KDM4C: variants seen among roughly 807,000 people sequenced by gnomAD.
The protein encoded by KDM4C is lysine demethylase 4C.
A neutral mutation model predicts 129.3 loss-of-function variants in KDM4C; 81 were observed. The ratio of observed to expected loss-of-function variants is 0.63; its 90% CI spans 0.52 to 0.75. The LOEUF is 0.75. Among genes scored for constraint, KDM4C ranks in the 30% least tolerant of loss-of-function variants. The probability of loss-of-function intolerance (pLI) is 0.00; values close to 1 mark genes in which losing one functional copy is unlikely to be tolerated. For missense variants in KDM4C, 1,457 were observed against 1,304.0 expected, an observed-to-expected ratio of 1.12 and a Z score of -1.81; for synonymous variants, 573 against 456.1, an observed-to-expected ratio of 1.26 and a Z score of -3.26.
intron 6 of KDM4C, among the ~76,000 whole-genome samples, chr9:6,886,463 C>G (rs1181662889): frequency 6.6e-6 from 1 of 151,300 alleles, no homozygotes; most frequent in East Asian, 1.9e-4. Flanking sequence ...CAGGCACGCA[C>G]CACCATGCCC....
chr9:6,722,459 G>A lies in KDM4C; in HGVS notation c.49+1462G>A, dbSNP rs6477105. Reference sequence around the variant, plus strand: ...TTGGGAGGCTGAGGCGGGCAGATCTGTTGAGCTCAGGAGTTTGACGCAAGC... The same window carrying A: ...TTGGGAGGCTGAGGCGGGCAGATCTATTGAGCTCAGGAGTTTGACGCAAGC... On this transcript the variant is annotated intron_variant, in intron 1 of 17. Transcript: ENST00000536108. Among the ~76,000 whole-genome samples, 22 of 151,734 alleles carry A rather than the reference G, an allele frequency of 1.4e-4. No homozygotes were observed. The East Asian group carries it at 4.3e-3, about 29-fold the overall frequency.
At chr9:6,916,338 T>C (rs958983081) in intron 8 of KDM4C, among the ~76,000 whole-genome samples, 1 of 151,956 alleles carries the variant, frequency 6.6e-6, no homozygotes, top group Non-Finnish European at 1.5e-5. Flanking sequence ...ATAATGTGTT[T>C]GCAATTTTAA....
chr9:6,886,322 C>CTTTTTTTTTTTT (rs767744199), intron 6 of KDM4C, among the ~76,000 whole-genome samples: 1 of 142,202 alleles, frequency 7.0e-6, no homozygotes. Flanking sequence ...TCCTTCCTAT[C>CTTTTTTTTTTTT]TTTTTTTTTT....
chr9:6,978,148 A>T (rs1156347987), intron 8 of KDM4C, among the ~76,000 whole-genome samples: 3 of 152,186 alleles, frequency 2.0e-5, no homozygotes, highest in Non-Finnish European at 2.9e-5. Flanking sequence ...TCAGTTTTTC[A>T]GATGGAGAAA....
At chr9:6,764,216 G>A (rs898067847) in intron 1 of KDM4C, among the ~76,000 whole-genome samples, 14 of 152,166 alleles carry the variant, frequency 9.2e-5, no homozygotes, top group African/African-American at 3.1e-4. Context: ...TGCCCAGTTG[G>A]AATTTCCGAT....
chr9:7,122,044 C>T (rs1377912007), intron 18 of KDM4C, among the ~76,000 whole-genome samples: 1 of 151,784 alleles, frequency 6.6e-6, no homozygotes, highest in South Asian at 2.1e-4. Context: ...AGTCTATTTT[C>T]GCATTGCTAT....
intron 5 of KDM4C, among the ~76,000 whole-genome samples, chr9:6,851,187 C>T (rs79767125): frequency 0.018 from 2,695 of 152,134 alleles, 77 homozygotes; most frequent in African/African-American, 0.062. Flanking sequence ...GTGTGTTGTC[C>T]AGGCCGGTGC....
At chr9:7,160,258 C>T (rs1250805266) in intron 19 of KDM4C, among the ~76,000 whole-genome samples, 1 of 152,112 alleles carries the variant, frequency 6.6e-6, no homozygotes, top group Non-Finnish European at 1.5e-5. Context: ...TTTTTAGCTT[C>T]CTTGCGATGG....
At chr9:6,919,537 G>A (rs111928528) in intron 8 of KDM4C, among the ~76,000 whole-genome samples, 233 of 94,902 alleles carry the variant, frequency 2.5e-3, no homozygotes, top group African/African-American at 5.7e-3. Flanking sequence ...TCATCTGTCT[G>A]TCTGTCTGTC....
intron 15 of KDM4C, among the ~76,000 whole-genome samples, chr9:7,036,416 G>A (rs1463503492): frequency 6.6e-6 from 1 of 152,168 alleles, no homozygotes; most frequent in South Asian, 2.1e-4. Context: ...TCCATGTAGA[G>A]TACTTCTGAC....
intron 1 of KDM4C, among the ~76,000 whole-genome samples, chr9:6,730,871 C>G (rs1817308952): frequency 6.6e-6 from 1 of 152,152 alleles, no homozygotes; most frequent in Admixed American, 6.6e-5. Flanking sequence ...TGAAGTATGG[C>G]TGCTGGGATG....
intron 4 of KDM4C, among the ~76,000 whole-genome samples, chr9:6,830,289 G>A (rs1218595890): frequency 2.0e-5 from 3 of 152,172 alleles, no homozygotes; most frequent in Admixed American, 6.5e-5. Context: ...TTCCAGTATT[G>A]CTTACAATCT....
intron 4 of KDM4C, among the ~76,000 whole-genome samples, chr9:6,838,498 G>C (rs1375672402): frequency 6.6e-6 from 1 of 152,108 alleles, no homozygotes; most frequent in East Asian, 1.9e-4. Context: ...CTCAAGGTGG[G>C]AGTCTCAAGC....
At chr9:6,747,787 C>T (rs573627347) in intron 1 of KDM4C, among the ~76,000 whole-genome samples, 3 of 152,286 alleles carry the variant, frequency 2.0e-5, no homozygotes, top group South Asian at 2.1e-4. Flanking sequence ...TTGAGCAGCC[C>T]GCTCTGATCT....
chr9:6,927,092 TA>T (rs771955243), intron 8 of KDM4C, among the ~76,000 whole-genome samples: 1,068 of 78,412 alleles, frequency 0.014, 8 homozygotes, highest in Non-Finnish European at 0.019. Context: ...AAAAATTTTC[TA>T]TCTATCTATC....
intron 18 of KDM4C, among the ~76,000 whole-genome samples, chr9:7,120,941 A>C (rs968153488): frequency 6.6e-6 from 1 of 152,206 alleles, no homozygotes; most frequent in African/African-American, 2.4e-5. Context: ...AAGGACTCTT[A>C]GTTTTTTATA....
intron 18 of KDM4C, chr9:7,105,550 G>A (rs761443389): frequency 2.3e-6 from 1 of 443,844 alleles, no homozygotes; most frequent in Admixed American, 2.5e-5. Context: ...AGTTCAGAGA[G>A]GTTTAATTCC....
intron 4 of KDM4C, among the ~76,000 whole-genome samples, chr9:6,841,349 G>A (rs1308159033): frequency 1.3e-5 from 2 of 152,182 alleles, no homozygotes; most frequent in Admixed American, 6.5e-5. Flanking sequence ...CAGGAAATGG[G>A]AAGGATGTTG....
At position 6,880,052 on chromosome 9, in the gene KDM4C, C is replaced by G. The variant is rs1563749416; in HGVS notation, c.670C>G (p.Leu224Val). 1 of 1,598,152 alleles carries G rather than the reference C, an allele frequency of 6.3e-7. No individual in the cohort carries two copies. The highest frequency in any genetic ancestry group is 8.6e-7 in the Non-Finnish European group (1 of 1,169,112). Residue 224 changes from leucine to valine, a missense_variant, in exon 6 of 22, where the codon CTA becomes GTA. Transcript: ENST00000381309. ...PPEHGKRLERLAQGFFPSSSQ... is the reference protein window; with the variant it reads ...PPEHGKRLERVAQGFFPSSSQ... ...GGAGCATGGAAAACGACTTGAAAGA[C>G]TAGCTCAAGGTAAAACTTGCTTTTT... is the stretch of plus-strand genomic sequence containing the variant.
Sources: gnomAD v4.1 joint callset for allele counts (sites outside exome capture counted in the v4.1 genomes callset) on GRCh38, gnomAD v4.1.1 for gene constraint, MANE v1.5 for transcripts, NCBI Gene and HGNC (gene_info 2026-07-23, HGNC 2026-07-21) for gene names.